CCDC85C: variants seen among roughly 807,000 people sequenced by gnomAD.
CCDC85C encodes the protein coiled-coil domain-containing protein 85C.
In CCDC85C, 18 loss-of-function variants were observed where a neutral mutation model predicts 38.3. That is an observed-to-expected ratio of 0.47 (90% CI 0.33 to 0.70). The LOEUF is 0.70. Among genes scored for constraint, CCDC85C ranks in the 30% least tolerant of loss-of-function variants. The probability of loss-of-function intolerance (pLI) is 0.03; values close to 1 mark genes in which losing one functional copy is unlikely to be tolerated. For missense variants in CCDC85C, 566 were observed against 621.2 expected, an observed-to-expected ratio of 0.91 and a Z score of 0.94; for synonymous variants, 264 against 293.8, an observed-to-expected ratio of 0.90 and a Z score of 1.04.
At chr14:99,594,679 T>C (rs941608150) in intron 1 of CCDC85C, among the ~76,000 whole-genome samples, 2 of 152,092 alleles carry the variant, frequency 1.3e-5, no homozygotes, top group African/African-American at 4.8e-5. Context: ...CCAGAAGAGA[T>C]GAGGGTCCCT....
chr14:99,583,502 CAAA>C (rs35333670), intron 1 of CCDC85C, among the ~76,000 whole-genome samples: 6 of 85,394 alleles, frequency 7.0e-5, no homozygotes, highest in East Asian at 6.3e-4. Flanking sequence ...AACTCCTTCT[CAAA>C]AAAAAAAAAA....
Position 99,566,281 on chromosome 14 carries a change from A to C in CCDC85C, c.794-30193T>G, listed in dbSNP as rs536525424. Among the ~76,000 whole-genome samples the C allele has an allele frequency of 2.0e-5, 3 of 152,360 alleles. No homozygotes were observed. The South Asian group carries it at 6.2e-4, about 32-fold the overall frequency. On this transcript the variant is annotated intron_variant, in intron 1 of 5. Transcript: ENST00000380243. ...ATGTGCCAGGCACAGGGCCAAGCAC[A>C]CTGCATGGATCATCTCAGACCTCCA...
intron 1 of CCDC85C, among the ~76,000 whole-genome samples, chr14:99,541,088 C>T (rs895751170): frequency 5.3e-5 from 8 of 152,216 alleles, no homozygotes; most frequent in Non-Finnish European, 1.2e-4. Flanking sequence ...GGCCAGAAGC[C>T]ATGTCCCATC....
chr14:99,554,716 G>A (rs1195980692), intron 1 of CCDC85C, among the ~76,000 whole-genome samples: 1 of 152,228 alleles, frequency 6.6e-6, no homozygotes, highest in African/African-American at 2.4e-5. Context: ...TGGGCTCTCA[G>A]AAAAGCCAAC....
chr14:99,500,347 C>T lies in CCDC85C; in HGVS notation c.*14899G>A, dbSNP rs1896793940. The T allele has an allele frequency of 5.1e-6, 1 of 194,200 alleles. No individual in the cohort carries two copies. The highest frequency in any genetic ancestry group is 2.4e-5 in the African/African-American group (1 of 41,612). The allele number at this position is 194,200 out of a possible 1,614,324, so 12.0% of individuals were successfully genotyped here. Reference sequence around the variant, plus strand: ...TATCTCTGAGTTTTCATGAGGCTGGCTATCATAAACTCTTTCTTGCTTAAA... The same window carrying T: ...TATCTCTGAGTTTTCATGAGGCTGGTTATCATAAACTCTTTCTTGCTTAAA... On this transcript the variant is annotated 3_prime_UTR_variant, in exon 6 of 6. Coordinates refer to ENST00000380243, the MANE Select transcript of CCDC85C (RefSeq NM_001144995.2).
At chr14:99,546,648 A>C (rs1897813329) in intron 1 of CCDC85C, among the ~76,000 whole-genome samples, 1 of 152,194 alleles carries the variant, frequency 6.6e-6, no homozygotes, top group Non-Finnish European at 1.5e-5. Flanking sequence ...TATGTGCACC[A>C]GACTCTACAG....
rs115414976 is a variant in CCDC85C, at chr14:99,553,011, C to G, written c.794-16923G>C. The stretch of plus-strand genomic sequence containing the variant: ...GTGTGGCCCTCAATGGGAGAAGGAC[C>G]CTAGGCTTCCCCTAGCAGTGCCGGA... On this transcript the variant is annotated intron_variant, in intron 1 of 5. Transcript: ENST00000380243. Among the ~76,000 whole-genome samples the G allele has an allele frequency of 7.9e-3, 1,210 of 152,216 alleles. 12 individuals are homozygous for G. Among genetic ancestry groups the G allele is most frequent in the African/African-American group, 0.026 (1,097 of 41,550 alleles).
rs529742288 is a variant in CCDC85C, at chr14:99,565,291, G to C, written c.794-29203C>G. 5.5e-4 allele frequency among the ~76,000 whole-genome samples: 84 copies of C among 152,336 alleles called. 3 individuals carry two copies. In the South Asian group the frequency reaches 0.017, roughly 31 times the overall value. On this transcript the variant is annotated intron_variant, in intron 1 of 5. Coordinates refer to ENST00000380243, the MANE Select transcript of CCDC85C (RefSeq NM_001144995.2). ...TCCTCCACCACCCCTGCGGGGCTCA[G>C]CTCTGAGCAGGCTCTCTCACGCCAT...
At chr14:99,526,380 C>T (rs1230884876) in intron 2 of CCDC85C, among the ~76,000 whole-genome samples, 1 of 152,232 alleles carries the variant, frequency 6.6e-6, no homozygotes, top group Non-Finnish European at 1.5e-5. Flanking sequence ...TCTCCAGGTC[C>T]CCGTGGTCAC....
rs1897187838 is a variant in CCDC85C, at chr14:99,514,437, G to C, written c.*809C>G. ...GGAAAATCACATGTGGCTCAGCCCA[G>C]AAACTCTCCCCAGGCCCTTCCTGTT... On this transcript the variant is annotated 3_prime_UTR_variant, in exon 6 of 6. Coordinates refer to ENST00000380243, the MANE Select transcript of CCDC85C (RefSeq NM_001144995.2). 1.3e-5 allele frequency: 2 copies of C among 152,330 alleles called. No homozygotes were observed. Among genetic ancestry groups the C allele is most frequent in the Admixed American group, 6.5e-5 (1 of 15,290 alleles). 9.4% of individuals were successfully genotyped at this position (152,330 alleles called of 1,614,324 possible).
rs556600011 is a variant in CCDC85C, at chr14:99,569,811, C to T, written c.793+33356G>A. Among the ~76,000 whole-genome samples the T allele has an allele frequency of 5.9e-5, 9 of 152,228 alleles. No individual in the cohort carries two copies. The highest frequency in any genetic ancestry group is 1.4e-4 in the African/African-American group (6 of 41,542). On this transcript the variant is annotated intron_variant, in intron 1 of 5. Coordinates refer to ENST00000380243, the MANE Select transcript of CCDC85C (RefSeq NM_001144995.2). This position sits in a 1 kb window ranked among gnomAD's most constrained non-coding sequence, Gnocchi z 4.3. Reference sequence around the variant, plus strand: ...AGGCAGGACTGATTTGGAACATCTGCGGATACTGGAGGTTAGAAAGACCCC... The same window carrying T: ...AGGCAGGACTGATTTGGAACATCTGTGGATACTGGAGGTTAGAAAGACCCC...
rs1276957936 is a variant in CCDC85C, at chr14:99,535,779, C to A, written c.867+236G>T. On this transcript the variant is annotated intron_variant, in intron 2 of 5. Transcript: ENST00000380243. The surrounding 1 kb of genome is among the most constrained non-coding windows in gnomAD (Gnocchi z 5.5). ...GTTGTCCACCCTCTCAGGCCCTGGGCCAGCCCTGAGGAGCTCGCATACTGG... is the reference window on the plus strand; with the variant it reads ...GTTGTCCACCCTCTCAGGCCCTGGGACAGCCCTGAGGAGCTCGCATACTGG... 2.6e-5 allele frequency among the ~76,000 whole-genome samples: 4 copies of A among 152,190 alleles called. No individual in the cohort carries two copies. The highest frequency in any genetic ancestry group is 5.9e-5 in the Non-Finnish European group (4 of 68,026).
At position 99,508,704 on chromosome 14, in the gene CCDC85C, G is replaced by A. The variant is rs1398491311; in HGVS notation, c.*6542C>T. Reference sequence around the variant, plus strand: ...AGCAAGTGTACAGAGAGGGAATGGGGTGCCCAGGAGAGACCCCCACTTGCT... The same window carrying A: ...AGCAAGTGTACAGAGAGGGAATGGGATGCCCAGGAGAGACCCCCACTTGCT... On this transcript the variant is annotated 3_prime_UTR_variant, in exon 6 of 6. Transcript: ENST00000380243. The A allele has an allele frequency of 6.6e-6, 1 of 152,430 alleles. No individual in the cohort carries two copies. The highest frequency in any genetic ancestry group is 1.5e-5 in the Non-Finnish European group (1 of 68,200). The allele number at this position is 152,430 out of a possible 1,614,324, so 9.4% of individuals were successfully genotyped here.
At chr14:99,555,565 A>C (rs1566772297) in intron 1 of CCDC85C, among the ~76,000 whole-genome samples, 1 of 152,236 alleles carries the variant, frequency 6.6e-6, no homozygotes, top group Admixed American at 6.5e-5. Context: ...ATGAAATAAA[A>C]ATCCTGAGTC....
chr14:99,527,836 C>T (rs780171926), intron 2 of CCDC85C, among the ~76,000 whole-genome samples: 8 of 152,190 alleles, frequency 5.3e-5, no homozygotes, highest in Non-Finnish European at 7.4e-5. Flanking sequence ...CCTCCGTGCA[C>T]TGCAGGTGTC....
At chr14:99,577,870 C>T (rs201818757) in intron 1 of CCDC85C, among the ~76,000 whole-genome samples, 6,835 of 81,632 alleles carry the variant, frequency 0.084, 280 homozygotes, top group South Asian at 0.23. Flanking sequence ...TGTGTGTGTG[C>T]GTGTGCACAT....
intron 1 of CCDC85C, among the ~76,000 whole-genome samples, chr14:99,556,646 C>G (rs1898016244): frequency 6.6e-6 from 1 of 152,118 alleles, no homozygotes; most frequent in Admixed American, 6.5e-5. Context: ...ACCTCAGCCT[C>G]TCAAAGAGCT....
intron 1 of CCDC85C, among the ~76,000 whole-genome samples, chr14:99,556,732 G>A (rs1898017433): frequency 6.6e-6 from 1 of 151,954 alleles, no homozygotes; most frequent in African/African-American, 2.4e-5. Context: ...TCACTATGTT[G>A]CCCAGACTGA....
Position 99,603,616 on chromosome 14 carries a change from G to A in CCDC85C, c.344C>T (p.Ala115Val). 7.5e-6 allele frequency: 11 copies of A among 1,459,804 alleles called. No homozygotes were observed. The highest frequency in any genetic ancestry group is 9.0e-6 in the Non-Finnish European group (10 of 1,108,468). The allele number at this position is 1,459,804 out of a possible 1,614,324, so 90.4% of individuals were successfully genotyped here. ...CGAGCGGGCCACCTCGTGCCACACG[G>A]CGCCGGCCGCGTGGCGCCCGAAGCG... The part of the protein sequence containing the change: ...WQRFGRHAAG[A>V]VWHEVARSQQ... Residue 115 changes from alanine to valine, a missense_variant, in exon 1 of 6, where the codon GCC becomes GTC. Physicochemically the swap from Ala to Val is moderately conservative, Grantham distance 64. Coordinates refer to ENST00000380243, the MANE Select transcript of CCDC85C (RefSeq NM_001144995.2). This position sits in a 1 kb window ranked among gnomAD's most constrained non-coding sequence, Gnocchi z 7.5.
Sources: allele counts gnomAD v4.1 joint callset (sites outside exome capture counted in the v4.1 genomes callset), GRCh38; gene constraint gnomAD v4.1.1; non-coding constraint Gnocchi (gnomAD v3.1); transcripts MANE v1.5; gene names NCBI Gene and HGNC (gene_info 2026-07-23, HGNC 2026-07-21).